Variants in ZBTB40 observed in about 807,000 individuals in gnomAD.
ZBTB40 encodes the protein zinc finger and BTB domain containing 40, also known as zinc finger and BTB domain-containing protein 40.
In ZBTB40, 60 loss-of-function variants were observed where a neutral mutation model predicts 117.5. The observed-to-expected ratio is 0.51, with a 90% CI of 0.41 to 0.63. The LOEUF (loss-of-function observed/expected upper bound fraction) is 0.63, where lower values mean the gene tolerates loss of function less well. Ranked by LOEUF, ZBTB40 falls within the 30% of genes least tolerant of loss-of-function variation. ZBTB40 has a pLI of 0.00. For missense variants in ZBTB40, 1,287 were observed against 1,498.5 expected (o/e 0.86, Z 2.33); for synonymous variants, 525 against 577.1 (o/e 0.91, Z 1.29).
At chr1:22,432,724 A>G (rs920658674) in intron 1 of ZBTB40, among the ~76,000 whole-genome samples, 1 of 152,148 alleles carries the variant, frequency 6.6e-6, no homozygotes, top group African/African-American at 2.4e-5. Flanking sequence ...TATTGTTCCA[A>G]TGTTTTTAAA....
In ZBTB40 at chr1:22,521,308, A is replaced by T. The variant is rs572530500; in HGVS notation, c.3049-188A>T. The stretch of plus-strand genomic sequence containing the variant: ...GCCCTGTAGTGGCTTCTCAATGAAT[A>T]TGTAGTTGCCTTATTCTCACAAACA... On this transcript the variant is annotated intron_variant, in intron 14 of 17. Transcript: ENST00000375647. Among the ~76,000 whole-genome samples, 4 of 152,312 alleles carry T rather than the reference A, an allele frequency of 2.6e-5. No individual in the cohort carries two copies. In the South Asian group the frequency reaches 8.3e-4, roughly 32 times the overall value.
At chr1:22,472,080 G>A (rs1448872225) in intron 1 of ZBTB40, among the ~76,000 whole-genome samples, 1 of 152,186 alleles carries the variant, frequency 6.6e-6, no homozygotes, top group African/African-American at 2.4e-5. Flanking sequence ...GATTGTTTGG[G>A]CAGGGGACCT....
Position 22,520,167 on chromosome 1 carries a change from C to A in ZBTB40, c.2940C>A (p.Cys980Ter). 6.2e-7 allele frequency: 1 copy of A among 1,614,190 alleles called. No individual in the cohort carries two copies. Among genetic ancestry groups the A allele is most frequent in the Non-Finnish European group, 8.5e-7 (1 of 1,180,016 alleles). Residue 980 changes from cysteine to a stop codon, truncating the protein, a stop_gained, in exon 14 of 18, where the codon TGC becomes TGA. Coordinates refer to ENST00000375647, the MANE Select transcript of ZBTB40 (RefSeq NM_014870.4). LOFTEE classifies it high-confidence loss of function. ...HEVHSKEYHP[C>*]PTCGKIFSAP... ...TGCACTCCAAAGAGTACCACCCCTG[C>A]CCCACGTGTGGGAAGATCTTCAGTG...
intron 1 of ZBTB40, among the ~76,000 whole-genome samples, chr1:22,456,534 G>C (rs188491778): frequency 1.3e-3 from 192 of 152,276 alleles, no homozygotes; most frequent in African/African-American, 4.4e-3. Context: ...ACTTTAATCT[G>C]ATCTCAGAAA....
Position 22,511,928 on chromosome 1 carries a change from A to G in ZBTB40, c.2255A>G (p.Lys752Arg). The change falls in exon 11 of 18, where the codon AAG becomes AGG. Residue 752 changes from lysine (K) to arginine (R), a missense_variant. Coordinates refer to ENST00000375647, the MANE Select transcript of ZBTB40 (RefSeq NM_014870.4). ...AGCTTCCATTTCTACTGCCGCCTAAAGGTGCACATGAAGCGCTGCCGGGTG... is the reference window on the plus strand; with the variant it reads ...AGCTTCCATTTCTACTGCCGCCTAAGGGTGCACATGAAGCGCTGCCGGGTG... The part of the protein sequence containing the change: ...DKSFHFYCRL[K>R]VHMKRCRVAK... 6.2e-7 allele frequency: 1 copy of G among 1,614,214 alleles called. No individual in the cohort carries two copies. The highest frequency in any genetic ancestry group is 8.5e-7 in the Non-Finnish European group (1 of 1,180,036).
rs186543807 is a variant in ZBTB40, at chr1:22,472,375, G to A, written c.-69-17505G>A. Among the ~76,000 whole-genome samples, 424 of 152,066 alleles carry A rather than the reference G, an allele frequency of 2.8e-3. 1 individual carries two copies. The highest frequency in any genetic ancestry group is 9.8e-3 in the African/African-American group (407 of 41,482). On this transcript the variant is annotated intron_variant, in intron 1 of 17. Coordinates refer to ENST00000375647, the MANE Select transcript of ZBTB40 (RefSeq NM_014870.4). The stretch of plus-strand genomic sequence containing the variant: ...ATTTTTTGTGTTTCTTGTAGAGACG[G>A]GGGTCTTGCCATGTTGCCCAGGCTG...
chr1:22,511,075 G>A, intron 9 of ZBTB40, 104 bp from the exon 10 acceptor site: 2 of 1,467,134 alleles, frequency 1.4e-6, no homozygotes, highest in Non-Finnish European at 1.9e-6. Context: ...AAATGGAGCA[G>A]TGCCTTCCTG....
Position 22,527,251 on chromosome 1 carries a change from C to T in ZBTB40, c.*855C>T, listed in dbSNP as rs925098743. Reference sequence around the variant, plus strand: ...GCCTGACCTGGCAGCCTGGCTCCCTCTGGGTCATATGGTGCAGACTGTGAC... The same window carrying T: ...GCCTGACCTGGCAGCCTGGCTCCCTTTGGGTCATATGGTGCAGACTGTGAC... On this transcript the variant is annotated 3_prime_UTR_variant, in exon 18 of 18. Coordinates refer to ENST00000375647, the MANE Select transcript of ZBTB40 (RefSeq NM_014870.4). 1.3e-5 allele frequency: 2 copies of T among 152,714 alleles called. No individual in the cohort carries two copies. The highest frequency in any genetic ancestry group is 4.8e-5 in the African/African-American group (2 of 41,464). 9.5% of individuals were successfully genotyped at this position (152,714 alleles called of 1,614,324 possible).
intron 6 of ZBTB40, 143 bp from the exon 7 acceptor site, chr1:22,507,858 A>G (rs1457470382): frequency 8.6e-7 from 1 of 1,162,240 alleles, no homozygotes; most frequent in Non-Finnish European, 1.3e-6. Flanking sequence ...ACATATGTGT[A>G]TGAGGCCCCA....
At chr1:22,438,449 G>T (rs1413108674) in intron 1 of ZBTB40, among the ~76,000 whole-genome samples, 1 of 152,150 alleles carries the variant, frequency 6.6e-6, no homozygotes, top group African/African-American at 2.4e-5. Flanking sequence ...TTGCTTTGAT[G>T]CTTTATGTAT....
intron 13 of ZBTB40, among the ~76,000 whole-genome samples, chr1:22,518,588 T>TA (rs1306449670): frequency 4.6e-5 from 7 of 152,188 alleles, no homozygotes; most frequent in Admixed American, 3.9e-4. Flanking sequence ...TGTTGGCAGA[T>TA]ACAGTGTCTC....
At chr1:22,471,968 A>G (rs1054427257) in intron 1 of ZBTB40, among the ~76,000 whole-genome samples, 1 of 152,178 alleles carries the variant, frequency 6.6e-6, no homozygotes, top group Non-Finnish European at 1.5e-5. Context: ...GCCAGAGGAT[A>G]TGATTGGCTT....
intron 1 of ZBTB40, among the ~76,000 whole-genome samples, chr1:22,484,649 G>C (rs1390346190): frequency 6.6e-6 from 1 of 152,058 alleles, no homozygotes; most frequent in Non-Finnish European, 1.5e-5. Context: ...TTCTTGTCTT[G>C]TTGCATTAGC....
rs149012390 is a variant in ZBTB40, at chr1:22,469,581, G to A, written c.-70+17577G>A. Among the ~76,000 whole-genome samples, 140 of 152,136 alleles carry A rather than the reference G, an allele frequency of 9.2e-4. 3 individuals carry two copies. The East Asian group carries it at 0.024, about 26-fold the overall frequency. ...GTTTTTTGTTTTTTTTTATGAGACG[G>A]AGTCTTACTCTGTCACCCAGGCTGG... On this transcript the variant is annotated intron_variant, in intron 1 of 17. Coordinates refer to ENST00000375647, the MANE Select transcript of ZBTB40 (RefSeq NM_014870.4).
intron 4 of ZBTB40, among the ~76,000 whole-genome samples, chr1:22,502,098 T>C (rs1638951227): frequency 6.6e-6 from 1 of 152,374 alleles, no homozygotes; most frequent in Admixed American, 6.5e-5. Flanking sequence ...TTTCGACAGA[T>C]AAATGAAACA....
At chr1:22,486,726 TGTTTTG>T (rs1638482266) in intron 1 of ZBTB40, among the ~76,000 whole-genome samples, 1 of 151,804 alleles carries the variant, frequency 6.6e-6, no homozygotes, top group African/African-American at 2.4e-5. Flanking sequence ...TTTTTTGTTT[TGTTTTG>T]TTTTGTTTTG....
intron 3 of ZBTB40, 94 bp downstream of exon 3, chr1:22,491,627 T>A: frequency 7.2e-7 from 1 of 1,392,626 alleles, no homozygotes; most frequent in Non-Finnish European, 1.0e-6. Context: ...GCCCAGGGTT[T>A]CAATGTTTTG....
At chr1:22,524,529 G>A in intron 17 of ZBTB40, 85 bp downstream of exon 17, 3 of 1,387,044 alleles carry the variant, frequency 2.2e-6, no homozygotes, top group Non-Finnish European at 3.0e-6. Context: ...ATAGTACCCA[G>A]AGATACTCTT....
intron 1 of ZBTB40, among the ~76,000 whole-genome samples, chr1:22,487,893 G>C (rs1467479113): frequency 6.6e-6 from 1 of 152,052 alleles, no homozygotes; most frequent in African/African-American, 2.4e-5. Flanking sequence ...TGCCTCTCCA[G>C]ATTCATCTCT....
Sources: gnomAD v4.1 joint callset for allele counts (sites outside exome capture counted in the v4.1 genomes callset) on GRCh38, gnomAD v4.1.1 for gene constraint, MANE v1.5 for transcripts, NCBI Gene and HGNC (gene_info 2026-07-23, HGNC 2026-07-21) for gene names.